Variants in SEC14L1 observed in about 807,000 individuals in gnomAD.
SEC14L1 encodes SEC14 like lipid binding 1.
In SEC14L1, 48 loss-of-function variants were observed where a neutral mutation model predicts 85.3. That is an observed-to-expected ratio of 0.56 (90% CI 0.45 to 0.72). The LOEUF (loss-of-function observed/expected upper bound fraction) is 0.72, where lower values mean the gene tolerates loss of function less well. Among genes scored for constraint, SEC14L1 ranks in the 30% least tolerant of loss-of-function variants. The pLI is 0.00. For synonymous variants in SEC14L1, 391 were observed against 355.5 expected, an observed-to-expected ratio of 1.10 and a Z score of -1.12; for missense variants, 682 against 921.4, an observed-to-expected ratio of 0.74 and a Z score of 3.36.
intron 3 of SEC14L1, among the ~76,000 whole-genome samples, chr17:77,119,081 G>A (rs983589192): frequency 3.3e-5 from 5 of 152,088 alleles, no homozygotes; most frequent in Admixed American, 1.3e-4. Flanking sequence ...AGGCCGAGAC[G>A]GGTGGATTGC....
intron 8 of SEC14L1, 24 bp from the exon 9 acceptor site, chr17:77,200,460 A>G: frequency 6.2e-7 from 1 of 1,602,402 alleles, no homozygotes; most frequent in South Asian, 1.1e-5. Context: ...AACATTGCTT[A>G]GAAATGTCTT....
rs570063557 is a variant in SEC14L1 at position 77,174,211 on chromosome 17, G to A, written c.64-16592G>A. Among the ~76,000 whole-genome samples the A allele has an allele frequency of 2.3e-3, 357 of 152,152 alleles. 3 individuals are homozygous for A. The highest frequency in any genetic ancestry group is 7.7e-3 in the African/African-American group (321 of 41,514). ...TGGGATTACAGGCATGAGCCACTGC[G>A]CCTGGCCTCTTGCACTCTTTCTTTA... On this transcript the variant is annotated intron_variant, in intron 3 of 16. Coordinates refer to ENST00000436233, the MANE Select transcript of SEC14L1 (RefSeq NM_001143998.2).
At chr17:77,190,742 G>A in intron 3 of SEC14L1, 61 bp from the exon 4 acceptor site, 1 of 1,573,484 alleles carries the variant, frequency 6.4e-7, no homozygotes, top group Non-Finnish European at 8.7e-7. Flanking sequence ...AACACAGTCA[G>A]CGGCAGGACA....
At chr17:77,110,027 G>T (rs1057334382) in intron 3 of SEC14L1, among the ~76,000 whole-genome samples, 15 of 152,148 alleles carry the variant, frequency 9.9e-5, no homozygotes, top group Non-Finnish European at 2.9e-5. Flanking sequence ...ACAATAGTTG[G>T]AACTGACTTC....
chr17:77,176,843 T>G (rs1198633267), intron 3 of SEC14L1, among the ~76,000 whole-genome samples: 1 of 152,146 alleles, frequency 6.6e-6, no homozygotes, highest in African/African-American at 2.4e-5. Flanking sequence ...CACCTTGACC[T>G]CCCAAAGTGC....
At position 77,168,541 on chromosome 17, in the gene SEC14L1, C is replaced by T. The variant is rs773712367; in HGVS notation, c.64-22262C>T. On this transcript the variant is annotated intron_variant, in intron 3 of 16. Coordinates refer to ENST00000436233, the MANE Select transcript of SEC14L1 (RefSeq NM_001143998.2). ...TAATCCCTTTCCATTCACCAAACCA[C>T]TTTTCCATGAGACTTGTGATGGGGT... Among the ~76,000 whole-genome samples, 57 of 152,216 alleles carry T rather than the reference C, an allele frequency of 3.7e-4. 1 individual carries two copies. Among genetic ancestry groups the T allele is most frequent in the Admixed American group, 3.7e-3 (57 of 15,286 alleles).
At chr17:77,141,935 A>C (rs529375883) in intron 1 of SEC14L1, among the ~76,000 whole-genome samples, 12 of 152,222 alleles carry the variant, frequency 7.9e-5, no homozygotes, top group Admixed American at 3.9e-4. Flanking sequence ...AAGGTTTGCA[A>C]AAGAAAAAGA....
intron 3 of SEC14L1, among the ~76,000 whole-genome samples, chr17:77,162,700 C>T (rs1032998841): frequency 9.9e-5 from 15 of 151,814 alleles, no homozygotes; most frequent in Admixed American, 4.6e-4. Context: ...CGTGGTGGTA[C>T]GTGCCTGTAA....
chr17:77,211,025 G>A (rs531200407), intron 14 of SEC14L1: 1 of 152,576 alleles, frequency 6.6e-6, no homozygotes, highest in African/African-American at 2.4e-5. Context: ...CTTTGCTGAA[G>A]AGGGGGCCGT....
At chr17:77,094,711 C>A (rs1011553677) in intron 3 of SEC14L1, 2 of 152,160 alleles carry the variant, frequency 1.3e-5, no homozygotes, top group African/African-American at 4.8e-5. Context: ...GGTGATCCGC[C>A]CGCCTCGGCC....
chr17:77,202,850 C>T (rs368592214), intron 9 of SEC14L1, among the ~76,000 whole-genome samples: 1 of 150,576 alleles, frequency 6.6e-6, no homozygotes, highest in Non-Finnish European at 1.5e-5. Context: ...AACCTGCAGG[C>T]AGAGGTTGCA....
intron 3 of SEC14L1, among the ~76,000 whole-genome samples, chr17:77,129,798 G>A (rs1013948234): frequency 6.6e-6 from 1 of 152,028 alleles, no homozygotes; most frequent in African/African-American, 2.4e-5. Context: ...GTGGCCTCTG[G>A]TCTATACCCT....
intron 7 of SEC14L1, among the ~76,000 whole-genome samples, chr17:77,195,237 CCTT>C (rs1315635154): frequency 1.3e-5 from 2 of 151,984 alleles, no homozygotes; most frequent in Admixed American, 6.5e-5. Flanking sequence ...CTCAAGCAAT[CCTT>C]CTGCCTCGGC....
intron 3 of SEC14L1, among the ~76,000 whole-genome samples, chr17:77,148,321 G>A (rs1157279440): frequency 6.6e-6 from 1 of 152,112 alleles, no homozygotes; most frequent in African/African-American, 2.4e-5. Context: ...AGCCGCAGGC[G>A]AGATAGTGGC....
chr17:77,090,329 G>A (rs1460784304), intron 2 of SEC14L1, among the ~76,000 whole-genome samples: 2 of 151,558 alleles, frequency 1.3e-5, no homozygotes, highest in African/African-American at 4.8e-5. Context: ...GCCAAAGTGA[G>A]TGCTCTGAAG....
rs564118734 is a variant in SEC14L1 at position 77,154,094 on chromosome 17, A to G, written c.63+10435A>G. Among the ~76,000 whole-genome samples the G allele has an allele frequency of 1.2e-3, 188 of 152,346 alleles. 1 individual carries two copies. Among genetic ancestry groups the G allele is most frequent in the African/African-American group, 4.2e-3 (173 of 41,576 alleles). ...CAAAAATAATACAACAATAAACTGT[A>G]ATACAAATAAAACGCATGCAACAAC... is the stretch of plus-strand genomic sequence containing the variant. On this transcript the variant is annotated intron_variant, in intron 3 of 16. Transcript: ENST00000436233.
chr17:77,168,468 A>G (rs1054069729), intron 3 of SEC14L1, among the ~76,000 whole-genome samples: 6 of 152,226 alleles, frequency 3.9e-5, no homozygotes, highest in African/African-American at 1.4e-4. Context: ...AGCATCCTAC[A>G]TATGAGTACA....
intron 10 of SEC14L1, among the ~76,000 whole-genome samples, chr17:77,204,788 GCACACGTT>G (rs1179831172): frequency 2.0e-5 from 3 of 152,104 alleles, no homozygotes; most frequent in Non-Finnish European, 4.4e-5. Flanking sequence ...ATCCCCACAT[GCACACGTT>G]CACACATAAA....
chr17:77,205,304 G>C lies in SEC14L1; in HGVS notation c.1127G>C (p.Arg376Thr). The change falls in exon 11 of 17, where the codon AGG becomes ACG. Residue 376 changes from arginine (R) to threonine (T), a missense_variant. By Grantham distance (71) the Arg-to-Thr change is moderately conservative. Coordinates refer to ENST00000436233, the MANE Select transcript of SEC14L1 (RefSeq NM_001143998.2). The stretch of plus-strand genomic sequence containing the variant: ...CTCTCCATAAATGAAGAAGGGCTAA[G>C]GCGATGCGAAGAGAATACAAAAGTC... ...YVLSINEEGL[R>T]RCEENTKVFG... 6.2e-7 allele frequency: 1 copy of C among 1,614,150 alleles called. No individual in the cohort carries two copies. The highest frequency in any genetic ancestry group is 8.5e-7 in the Non-Finnish European group (1 of 1,180,026).
Sources: allele counts gnomAD v4.1 joint callset (sites outside exome capture counted in the v4.1 genomes callset), GRCh38; gene constraint gnomAD v4.1.1; transcripts MANE v1.5; gene names NCBI Gene and HGNC (gene_info 2026-07-23, HGNC 2026-07-21).